Variants in BCL9 observed in about 807,000 individuals in gnomAD.
BCL9 encodes the protein B-cell CLL/lymphoma 9 protein.
A neutral mutation model predicts 88.5 loss-of-function variants in BCL9; 25 were observed. The ratio of observed to expected loss-of-function variants is 0.28; its 90% CI spans 0.21 to 0.39. The LOEUF is 0.39. BCL9 is among the 10% of genes least tolerant of loss of function. BCL9 has a pLI of 1.00. For missense variants in BCL9, 1,817 were observed against 1,877.8 expected, an observed-to-expected ratio of 0.97 and a Z score of 0.60; for synonymous variants, 711 against 673.3, an observed-to-expected ratio of 1.06 and a Z score of -0.87.
intron 1 of BCL9, among the ~76,000 whole-genome samples, chr1:147,551,948 A>G (rs587597928): frequency 1.8e-3 from 267 of 152,318 alleles, no homozygotes; most frequent in Non-Finnish European, 2.4e-3. Flanking sequence ...CAAATATGAT[A>G]AATATCTGTT....
At chr1:147,558,955 T>G in intron 1 of BCL9, among the ~76,000 whole-genome samples, 1 of 152,158 alleles carries the variant, frequency 6.6e-6, no homozygotes, top group South Asian at 2.1e-4. Context: ...TCCCCCTACT[T>G]CATCTCCTTT....
chr1:147,592,976 T>C (rs1414630100), intron 1 of BCL9, among the ~76,000 whole-genome samples: 1 of 152,204 alleles, frequency 6.6e-6, no homozygotes, highest in Non-Finnish European at 1.5e-5. Context: ...GTTTCCACCC[T>C]GAAGTGGGTT....
At position 147,620,973 on chromosome 1, in the gene BCL9, C is replaced by T. The variant is rs1466392838; in HGVS notation, c.2818C>T (p.Pro940Ser). ...TGGATGGACCTCTTCTCCAAAACCT[C>T]CCCTTCAGAGTCCTGGGATCCCTCC... ...SPGWTSSPKP[P>S]LQSPGIPPNH... The change falls in exon 8 of 10, where the codon CCC becomes TCC. Residue 940 changes from proline to serine, a missense_variant. Pro to Ser is a moderately conservative substitution (Grantham distance 74). Coordinates refer to ENST00000234739, the MANE Select transcript of BCL9 (RefSeq NM_004326.4). The T allele has an allele frequency of 6.2e-7, 1 of 1,614,208 alleles. No homozygotes were observed.
Position 147,619,517 on chromosome 1 carries a change from T to C in BCL9, c.1362T>C (p.Ser454=). 2 of 1,614,122 alleles carry C rather than the reference T, an allele frequency of 1.2e-6. No homozygotes were observed. Among genetic ancestry groups the C allele is most frequent in the Non-Finnish European group, 1.7e-6 (2 of 1,180,016 alleles). The change falls in exon 8 of 10, where the codon TCT becomes TCC. Residue 454 remains serine, a synonymous_variant. Transcript: ENST00000234739. The surrounding 1 kb of genome is among the most constrained non-coding windows in gnomAD (Gnocchi z 4.1). ...TTCCACCTTCTATGAACTCCCAGTCTGGGACCATAGGACCCGACCACCTTG... is the reference window on the plus strand; with the variant it reads ...TTCCACCTTCTATGAACTCCCAGTCCGGGACCATAGGACCCGACCACCTTG... ...EMVPPSMNSQ[S]GTIGPDHLDH...
In BCL9 at chr1:147,625,084, G is replaced by C. The variant is rs1240133911; in HGVS notation, c.*125G>C. The C allele has an allele frequency of 9.1e-6, 11 of 1,209,600 alleles. No individual in the cohort carries two copies. Among genetic ancestry groups the C allele is most frequent in the Non-Finnish European group, 1.2e-5 (11 of 902,910 alleles). The allele number at this position is 1,209,600 out of a possible 1,614,324, so 74.9% of individuals were successfully genotyped here. ...ATAGGAGAACAGAGACCCGAGGGCT[G>C]CTTTGGGGGAGGGGGGAACTCGAGA... is the stretch of plus-strand genomic sequence containing the variant. On this transcript the variant is annotated 3_prime_UTR_variant, in exon 10 of 10. Coordinates refer to ENST00000234739, the MANE Select transcript of BCL9 (RefSeq NM_004326.4).
In BCL9 at chr1:147,620,504, A is replaced by G. The variant is rs782637758; in HGVS notation, c.2349A>G (p.Pro783=). Reference sequence around the variant, plus strand: ...AGGAGTATGGCATGGGCCCCAGACCATTCCTTCCCATGTCTCAGGGTCCAG... The same window carrying G: ...AGGAGTATGGCATGGGCCCCAGACCGTTCCTTCCCATGTCTCAGGGTCCAG... ...PQQEYGMGPR[P]FLPMSQGPGS... The change falls in exon 8 of 10, where the codon CCA becomes CCG. Residue 783 remains proline (P), a synonymous_variant. Coordinates refer to ENST00000234739, the MANE Select transcript of BCL9 (RefSeq NM_004326.4). The G allele has an allele frequency of 1.9e-6, 3 of 1,614,150 alleles. No individual in the cohort carries two copies. Among genetic ancestry groups the G allele is most frequent in the Non-Finnish European group, 2.5e-6 (3 of 1,180,010 alleles).
In BCL9 at chr1:147,606,733, T is replaced by G. The variant is rs1553202039; in HGVS notation, c.-342-51T>G. The stretch of plus-strand genomic sequence containing the variant: ...TAAGATATTCATTGACAAATTGATG[T>G]TGTTGATTTTTTTAAAAATCTGCTT... On this transcript the variant is annotated intron_variant, in intron 2 of 9. Coordinates refer to ENST00000234739, the MANE Select transcript of BCL9 (RefSeq NM_004326.4). 3 of 152,520 alleles carry G rather than the reference T, an allele frequency of 2.0e-5. No individual in the cohort carries two copies. The South Asian group carries it at 6.2e-4, about 32-fold the overall frequency. The allele number at this position is 152,520 out of a possible 1,614,324, so 9.4% of individuals were successfully genotyped here.
intron 1 of BCL9, among the ~76,000 whole-genome samples, chr1:147,584,676 T>G (rs1271601996): frequency 6.6e-6 from 1 of 152,256 alleles, no homozygotes; most frequent in Non-Finnish European, 1.5e-5. Flanking sequence ...TTCAGACTTA[T>G]GTCTTGTGTG....
chr1:147,570,281 G>A (rs1655819522), intron 1 of BCL9, among the ~76,000 whole-genome samples: 1 of 152,092 alleles, frequency 6.6e-6, no homozygotes, highest in Non-Finnish European at 1.5e-5. Context: ...ATGAAAAGGT[G>A]GAAGAAATAG....
intron 2 of BCL9, among the ~76,000 whole-genome samples, chr1:147,605,623 TG>T (rs1657659280): frequency 6.6e-6 from 1 of 152,246 alleles, no homozygotes; most frequent in African/African-American, 2.4e-5. Context: ...ATTAATATTT[TG>T]CTTGGACCAA....
At chr1:147,622,130 T>G in intron 8 of BCL9, 141 bp from the exon 9 acceptor site, 1 of 1,198,710 alleles carries the variant, frequency 8.3e-7, no homozygotes, top group Non-Finnish European at 1.2e-6. Flanking sequence ...AGAAGATTGA[T>G]GATTTGTGTC....
chr1:147,543,862 A>G (rs1285490465), intron 1 of BCL9, among the ~76,000 whole-genome samples: 1 of 152,092 alleles, frequency 6.6e-6, no homozygotes, highest in East Asian at 1.9e-4. Context: ...TTGATTTTAC[A>G]AACTCCAGCA....
chr1:147,578,333 T>C (rs1255660759), intron 1 of BCL9, among the ~76,000 whole-genome samples: 1 of 152,112 alleles, frequency 6.6e-6, no homozygotes, highest in Non-Finnish European at 1.5e-5. Context: ...AGCCCCAACA[T>C]GAGGGAAAAT....
At chr1:147,595,023 G>C (rs1396936024) in intron 1 of BCL9, among the ~76,000 whole-genome samples, 1 of 152,204 alleles carries the variant, frequency 6.6e-6, no homozygotes, top group Non-Finnish European at 1.5e-5. Flanking sequence ...GAGATGACAA[G>C]GTTGGTCTTG....
At chr1:147,568,989 G>A (rs1394020594) in intron 1 of BCL9, among the ~76,000 whole-genome samples, 2 of 151,974 alleles carry the variant, frequency 1.3e-5, no homozygotes, top group African/African-American at 4.8e-5. Flanking sequence ...ACTGTGTAGA[G>A]TAGTGATGAA....
rs782740671 is a variant in BCL9 at position 147,624,139 on chromosome 1, C to T, written c.3461C>T (p.Pro1154Leu). 1 of 1,594,928 alleles carries T rather than the reference C, an allele frequency of 6.3e-7. No homozygotes were observed. The highest frequency in any genetic ancestry group is 8.6e-7 in the Non-Finnish European group (1 of 1,168,832). ...TCTCCCCCACAGCAGGTTCCATTCCCTCACAATGGCCCCAGTGGGGGGCAG... is the reference window on the plus strand; with the variant it reads ...TCTCCCCCACAGCAGGTTCCATTCCTTCACAATGGCCCCAGTGGGGGGCAG... Reference protein sequence around the residue: ...VQSPPQQVPFPHNGPSGGQGS... With the variant: ...VQSPPQQVPFLHNGPSGGQGS... Residue 1154 changes from proline to leucine, a missense_variant, in exon 10 of 10, where the codon CCT becomes CTT. Around this residue, in one of 2 missense-constraint regions of BCL9, gnomAD observed 589 missense variants for 686.2 expected, o/e 0.86. Transcript: ENST00000234739. The surrounding 1 kb of genome is among the most constrained non-coding windows in gnomAD (Gnocchi z 4.4).
chr1:147,586,619 G>A (rs1175881033), intron 1 of BCL9, among the ~76,000 whole-genome samples: 3 of 152,122 alleles, frequency 2.0e-5, no homozygotes, highest in African/African-American at 7.2e-5. Context: ...CAGGGGACCC[G>A]CCCTTAATAG....
chr1:147,550,376 T>C (rs587649747), intron 1 of BCL9, among the ~76,000 whole-genome samples: 8 of 152,228 alleles, frequency 5.3e-5, no homozygotes, highest in African/African-American at 1.9e-4. Flanking sequence ...TAAGGCTAAC[T>C]AGATTACTAA....
intron 1 of BCL9, among the ~76,000 whole-genome samples, chr1:147,542,300 A>T (rs1452188136): frequency 6.6e-6 from 1 of 152,224 alleles, no homozygotes; most frequent in Non-Finnish European, 1.5e-5. Flanking sequence ...GAACTCTGCC[A>T]CAAGACGATC....
Sources: gnomAD v4.1 joint callset for allele counts (sites outside exome capture counted in the v4.1 genomes callset) on GRCh38, gnomAD v4.1.1 for gene constraint, gnomAD v4.1.1 regional missense constraint, Gnocchi (gnomAD v3.1) non-coding constraint, MANE v1.5 for transcripts, NCBI Gene and HGNC (gene_info 2026-07-23, HGNC 2026-07-21) for gene names.